CTNND2: variants seen among roughly 807,000 people sequenced by gnomAD.
CTNND2 encodes catenin delta 2.
CTNND2 carries 22 observed loss-of-function variants against 144.4 expected under a neutral mutation model. The observed-to-expected ratio is 0.15, with a 90% confidence interval of 0.11 to 0.22. The LOEUF (loss-of-function observed/expected upper bound fraction) is 0.22, where lower values mean the gene tolerates loss of function less well. Among genes scored for constraint, CTNND2 ranks in the 10% least tolerant of loss-of-function variants. The pLI is 1.00. For missense variants in CTNND2, 1,353 were observed against 1,618.8 expected, an observed-to-expected ratio of 0.84 and a Z score of 2.82; for synonymous variants, 751 against 695.6, an observed-to-expected ratio of 1.08 and a Z score of -1.25.
chr5:11,770,813 TGA>T (rs1472344703), intron 1 of CTNND2, among the ~76,000 whole-genome samples: 2 of 151,796 alleles, frequency 1.3e-5, no homozygotes, highest in Non-Finnish European at 2.9e-5. Context: ...AATATGTGTG[TGA>T]GAGAGAGACA....
rs527780249 is a variant in CTNND2, at chr5:11,632,012, C to T, written c.175-66956G>A. Among the ~76,000 whole-genome samples the T allele has an allele frequency of 9.2e-5, 14 of 152,202 alleles. No individual in the cohort carries two copies. In the South Asian group the frequency reaches 1.7e-3, roughly 18 times the overall value. On this transcript the variant is annotated intron_variant, in intron 2 of 21. Transcript: ENST00000304623. Reference sequence around the variant, plus strand: ...GGGAATGGCTATATTTAAAATAGAGCGTACAGAACTGAAGACCAAGTGTTT... The same window carrying T: ...GGGAATGGCTATATTTAAAATAGAGTGTACAGAACTGAAGACCAAGTGTTT...
chr5:11,200,697 G>C (rs916499278), intron 10 of CTNND2, among the ~76,000 whole-genome samples: 1 of 150,546 alleles, frequency 6.6e-6, no homozygotes, highest in Non-Finnish European at 1.5e-5. Flanking sequence ...TTTTCTTTTT[G>C]AGACAGAGTC....
At chr5:11,349,857 T>G (rs1755153616) in intron 8 of CTNND2, among the ~76,000 whole-genome samples, 1 of 152,246 alleles carries the variant, frequency 6.6e-6, no homozygotes, top group South Asian at 2.1e-4. Flanking sequence ...TGTTAACTAA[T>G]CTACACTATT....
At chr5:11,224,559 A>T (rs1046357023) in intron 10 of CTNND2, among the ~76,000 whole-genome samples, 12 of 152,150 alleles carry the variant, frequency 7.9e-5, no homozygotes, top group African/African-American at 2.9e-4. Flanking sequence ...TGTTAAAGTC[A>T]CTGCCTTCCT....
At chr5:11,087,905 G>A (rs1750348519) in intron 15 of CTNND2, among the ~76,000 whole-genome samples, 1 of 152,126 alleles carries the variant, frequency 6.6e-6, no homozygotes, top group Non-Finnish European at 1.5e-5. Flanking sequence ...ATGTGTTTTT[G>A]TAGTAAGAAC....
intron 1 of CTNND2, among the ~76,000 whole-genome samples, chr5:11,886,014 T>C (rs1328176687): frequency 6.6e-6 from 1 of 151,668 alleles, no homozygotes; most frequent in East Asian, 1.9e-4. Flanking sequence ...CCAAAACCTA[T>C]GGAATACAAA....
rs180846081 is a variant in CTNND2, at chr5:11,368,513, A to T, written c.1178-3623T>A. On this transcript the variant is annotated intron_variant, in intron 7 of 21. Transcript: ENST00000304623. ...CCACTGGAGAATGAAGGGACACAAG[A>T]CCTCAGACATCCCCTGCTTCTATGT... is the stretch of plus-strand genomic sequence containing the variant. 1.9e-3 allele frequency among the ~76,000 whole-genome samples: 284 copies of T among 152,146 alleles called. 1 individual carries two copies. The highest frequency in any genetic ancestry group is 3.1e-3 in the Non-Finnish European group (210 of 67,966).
At chr5:11,655,315 A>T (rs1372698163) in intron 2 of CTNND2, among the ~76,000 whole-genome samples, 55 of 151,874 alleles carry the variant, frequency 3.6e-4, no homozygotes, top group Non-Finnish European at 7.4e-5. Flanking sequence ...TTGGGGATTA[A>T]GGTTCTTATA....
At chr5:11,676,380 G>A (rs963932849) in intron 2 of CTNND2, among the ~76,000 whole-genome samples, 3 of 151,958 alleles carry the variant, frequency 2.0e-5, no homozygotes, top group African/African-American at 7.2e-5. Context: ...TATATCTTTA[G>A]TATTGTCAAT....
At chr5:11,570,293 G>A (rs148124285) in intron 2 of CTNND2, among the ~76,000 whole-genome samples, 123 of 152,216 alleles carry the variant, frequency 8.1e-4, no homozygotes, top group Middle Eastern at 3.4e-3. Flanking sequence ...ATCTTCAGGC[G>A]GGAGATTTCC....
At chr5:11,644,076 A>C (rs1368530530) in intron 2 of CTNND2, among the ~76,000 whole-genome samples, 2 of 152,218 alleles carry the variant, frequency 1.3e-5, no homozygotes, top group Non-Finnish European at 2.9e-5. Flanking sequence ...ATGAAGTACA[A>C]TAAAATCACT....
intron 2 of CTNND2, among the ~76,000 whole-genome samples, chr5:11,675,887 A>AT: frequency 6.6e-6 from 1 of 150,690 alleles, no homozygotes; most frequent in East Asian, 2.0e-4. Flanking sequence ...TGCTTGATTG[A>AT]TTTGGCTACT....
chr5:11,660,724 A>G (rs546264772), intron 2 of CTNND2, among the ~76,000 whole-genome samples: 1 of 152,316 alleles, frequency 6.6e-6, no homozygotes, highest in African/African-American at 2.4e-5. Context: ...TATTTAAAAT[A>G]TTAGTCTAGT....
chr5:10,984,993 G>C (rs1737756441), intron 20 of CTNND2, among the ~76,000 whole-genome samples: 1 of 152,128 alleles, frequency 6.6e-6, no homozygotes, highest in Non-Finnish European at 1.5e-5. Context: ...AGAATTGCTT[G>C]AACCCGGGAG....
Position 11,710,251 on chromosome 5 carries a change from C to A in CTNND2, c.174+21885G>T, listed in dbSNP as rs141790325. Among the ~76,000 whole-genome samples the A allele has an allele frequency of 3.0e-3, 454 of 152,210 alleles. 4 individuals are homozygous for A. The highest frequency in any genetic ancestry group is 0.01 in the African/African-American group (434 of 41,536). Reference sequence around the variant, plus strand: ...TAAATCAGGTGATGGTTTAAGGAACCCTTCGGTCCGGCTGGGTGCCGTGGC... The same window carrying A: ...TAAATCAGGTGATGGTTTAAGGAACACTTCGGTCCGGCTGGGTGCCGTGGC... On this transcript the variant is annotated intron_variant, in intron 2 of 21. Transcript: ENST00000304623.
At chr5:11,674,074 T>C (rs1045141577) in intron 2 of CTNND2, among the ~76,000 whole-genome samples, 7 of 152,220 alleles carry the variant, frequency 4.6e-5, no homozygotes, top group East Asian at 3.9e-4. Context: ...TAAGTAAATG[T>C]AGTGAGTTTT....
At chr5:11,538,357 A>G (rs1774414110) in intron 3 of CTNND2, among the ~76,000 whole-genome samples, 1 of 152,338 alleles carries the variant, frequency 6.6e-6, no homozygotes. Context: ...TCAACAAGTA[A>G]TGCCCATTAA....
chr5:11,480,988 G>A lies in CTNND2; in HGVS notation c.288-68919C>T, dbSNP rs534706592. Reference sequence around the variant, plus strand: ...ATATACACTCATCGAAGCACATGACGATATTTTGAATTAACTGGAAAAAGT... The same window carrying A: ...ATATACACTCATCGAAGCACATGACAATATTTTGAATTAACTGGAAAAAGT... On this transcript the variant is annotated intron_variant, in intron 3 of 21. Coordinates refer to ENST00000304623, the MANE Select transcript of CTNND2 (RefSeq NM_001332.4). Among the ~76,000 whole-genome samples the A allele has an allele frequency of 1.1e-3, 161 of 152,156 alleles. 2 individuals carry two copies. The highest frequency in any genetic ancestry group is 6.8e-3 in the Middle Eastern group (2 of 294).
At chr5:11,282,067 C>G (rs928110603) in intron 9 of CTNND2, among the ~76,000 whole-genome samples, 2 of 152,058 alleles carry the variant, frequency 1.3e-5, no homozygotes, top group African/African-American at 4.8e-5. Flanking sequence ...CATGAAGAGA[C>G]TGAACTGGCA....
Sources: gnomAD v4.1 joint callset for allele counts (sites outside exome capture counted in the v4.1 genomes callset) on GRCh38, gnomAD v4.1.1 for gene constraint, MANE v1.5 for transcripts, NCBI Gene and HGNC (gene_info 2026-07-23, HGNC 2026-07-21) for gene names.